Variants in USP53 observed in about 807,000 individuals in gnomAD.
USP53 encodes the protein ubiquitin carboxyl-terminal hydrolase 53.
A neutral mutation model predicts 94.9 loss-of-function variants in USP53; 71 were observed. That is an observed-to-expected ratio of 0.75 (90% CI 0.62 to 0.91). The LOEUF (loss-of-function observed/expected upper bound fraction) is 0.91, where lower values mean the gene tolerates loss of function less well. USP53 is among the 40% of genes least tolerant of loss of function. The pLI, the probability that USP53 is intolerant of heterozygous loss-of-function variation, is 0.00. For synonymous variants in USP53, 375 were observed against 422.7 expected (o/e 0.89, Z 1.39); for missense variants, 1,173 against 1,281.0 (o/e 0.92, Z 1.29).
intron 3 of USP53, among the ~76,000 whole-genome samples, chr4:119,231,563 G>A (rs2149301189): frequency 6.6e-6 from 1 of 152,252 alleles, no homozygotes; most frequent in Non-Finnish European, 1.5e-5. Context: ...TAATGCCTCT[G>A]GGTTGGAGGT....
In USP53 at chr4:119,271,659, G is replaced by A. The variant is rs749652215; in HGVS notation, c.1799G>A (p.Ser600Asn). 6.2e-7 allele frequency: 1 copy of A among 1,613,682 alleles called. No homozygotes were observed. Among genetic ancestry groups the A allele is most frequent in the South Asian group, 1.1e-5 (1 of 90,980 alleles). Residue 600 changes from serine (S) to asparagine (N), a missense_variant, in exon 16 of 19, where the codon AGT (serine) becomes AAT (asparagine). By Grantham distance (46) the Ser-to-Asn change is conservative. Transcript: ENST00000692078. Reference sequence around the variant, plus strand: ...AATGTTGATAGTATTTTTAGTGAAAGTGAAAAAAGACAGCATAGTCCAAGA... The same window carrying A: ...AATGTTGATAGTATTTTTAGTGAAAATGAAAAAAGACAGCATAGTCCAAGA... ...TLNVDSIFSE[S>N]EKRQHSPRHK...
chr4:119,236,660 C>A lies in USP53; in HGVS notation c.-543+1249C>A, dbSNP rs563020538. 1.2e-3 allele frequency among the ~76,000 whole-genome samples: 176 copies of A among 152,334 alleles called. 1 individual carries two copies. Among genetic ancestry groups the A allele is most frequent in the Middle Eastern group, 0.01 (3 of 294 alleles). On this transcript the variant is annotated intron_variant, in intron 4 of 18. Transcript: ENST00000692078. ...ACTTTCTTTGCTCAGCCGTAAGAAG[C>A]AATTCCCCTGTTCAAGTTTTATCAT...
chr4:119,220,030 ATAAAGT>A (rs1744295499), intron 3 of USP53: 1 of 152,214 alleles, frequency 6.6e-6, no homozygotes. Flanking sequence ...TAAGCACTTA[ATAAAGT>A]TAAACATTTT....
At chr4:119,274,400 A>T (rs1310606070) in intron 17 of USP53, among the ~76,000 whole-genome samples, 2 of 151,958 alleles carry the variant, frequency 1.3e-5, no homozygotes, top group East Asian at 3.9e-4. Context: ...TTCCAATTTC[A>T]TCCATGTCCC....
chr4:119,221,864 G>A (rs1744577922), intron 3 of USP53, among the ~76,000 whole-genome samples: 2 of 152,204 alleles, frequency 1.3e-5, no homozygotes, highest in South Asian at 4.1e-4. Flanking sequence ...GAGCAAAGGA[G>A]AGAGGGGGAT....
chr4:119,284,890 G>A lies in USP53; in HGVS notation c.2252-6275G>A, dbSNP rs542204152. Among the ~76,000 whole-genome samples the A allele has an allele frequency of 2.0e-5, 3 of 151,982 alleles. No homozygotes were observed. The East Asian group carries it at 5.8e-4, about 29-fold the overall frequency. ...ACCATGAAAATCTCTAAGACTTTAT[G>A]TTTTTACAGCAGGAAGCAAGAGAAG... is the stretch of plus-strand genomic sequence containing the variant. On this transcript the variant is annotated intron_variant, in intron 17 of 18. Transcript: ENST00000692078.
At chr4:119,218,533 T>G (rs1323289301) in intron 3 of USP53, 1 of 152,196 alleles carries the variant, frequency 6.6e-6, no homozygotes, top group Admixed American at 6.5e-5. Flanking sequence ...AACTTACTGT[T>G]TTTTTGTTGG....
chr4:119,213,660 A>ATGTGTGTGTGTGTGTGTGTGTGTGTGTG (rs1553962017), intron 1 of USP53, among the ~76,000 whole-genome samples: 51 of 117,678 alleles, frequency 4.3e-4, no homozygotes, highest in African/African-American at 1.2e-3. Flanking sequence ...ATATATATAT[A>ATGTGTGTGTGTGTGTGTGTGTGTGTGTG]TGTGTGTGTG....
intron 15 of USP53, among the ~76,000 whole-genome samples, chr4:119,270,927 G>A (rs1189385788): frequency 7.0e-6 from 1 of 143,092 alleles, no homozygotes; most frequent in Admixed American, 7.4e-5. Context: ...ATGATTGGAT[G>A]TCTGTTTGTT....
intron 17 of USP53, among the ~76,000 whole-genome samples, chr4:119,275,960 C>G (rs1261304018): frequency 2.0e-5 from 3 of 147,380 alleles, no homozygotes; most frequent in African/African-American, 7.4e-5. Context: ...TATCCTGAGA[C>G]TTTGCTGAAG....
At chr4:119,278,317 A>G (rs1311955046) in intron 17 of USP53, among the ~76,000 whole-genome samples, 2 of 151,900 alleles carry the variant, frequency 1.3e-5, no homozygotes, top group Non-Finnish European at 2.9e-5. Flanking sequence ...ATCGGTCAGC[A>G]TTTGCTTGTC....
At position 119,295,050 on chromosome 4, in the gene USP53, T is replaced by TC. The variant is rs996978095; in HGVS notation, c.*1840dup. The TC allele has an allele frequency of 6.6e-6, 1 of 152,100 alleles. No homozygotes were observed. Among genetic ancestry groups the TC allele is most frequent in the African/African-American group, 2.4e-5 (1 of 41,456 alleles). The allele number at this position is 152,100 out of a possible 1,614,324, so 9.4% of individuals were successfully genotyped here. ...TTCACAGTTTGTGTAGTTTTTTTTT[T>TC]CTATTTGGTTAAGATGTGAGTTGGA... On this transcript the variant is annotated 3_prime_UTR_variant, in exon 19 of 19. Transcript: ENST00000692078.
chr4:119,261,423 G>T (rs1199414818), intron 11 of USP53, among the ~76,000 whole-genome samples: 3 of 152,126 alleles, frequency 2.0e-5, no homozygotes, highest in African/African-American at 7.2e-5. Context: ...CTCATATTTT[G>T]AATTTCTTTA....
At chr4:119,254,616 T>C (rs1749506057) in intron 7 of USP53, among the ~76,000 whole-genome samples, 1 of 151,970 alleles carries the variant, frequency 6.6e-6, no homozygotes, top group African/African-American at 2.4e-5. Flanking sequence ...TAGTTAGCCA[T>C]TTGTCTAACC....
intron 9 of USP53, among the ~76,000 whole-genome samples, chr4:119,258,227 C>G (rs1750021585): frequency 6.6e-6 from 1 of 152,054 alleles, no homozygotes; most frequent in Admixed American, 6.6e-5. Context: ...TCTGGCTAAC[C>G]ACTACTCTAA....
At position 119,226,462 on chromosome 4, in the gene USP53, A is replaced by G. The variant is rs570340330; in HGVS notation, c.-665+8789A>G. On this transcript the variant is annotated intron_variant, in intron 3 of 18. Transcript: ENST00000692078. The stretch of plus-strand genomic sequence containing the variant: ...TACAAAAAATCAATTATATTTCTGC[A>G]TGTTAGTAATGAAAAATTGGAAACC... 2.0e-5 allele frequency among the ~76,000 whole-genome samples: 3 copies of G among 152,220 alleles called. No individual in the cohort carries two copies. In the East Asian group the frequency reaches 5.8e-4, roughly 29 times the overall value.
At chr4:119,237,301 G>A (rs1266944811) in intron 4 of USP53, among the ~76,000 whole-genome samples, 1 of 152,150 alleles carries the variant, frequency 6.6e-6, no homozygotes, top group Non-Finnish European at 1.5e-5. Context: ...TTTTCAGAAT[G>A]GTAAGTGAGC....
At chr4:119,260,430 A>G (rs1400800053) in intron 10 of USP53, 77 bp from the exon 11 acceptor site, 2 of 1,305,078 alleles carry the variant, frequency 1.5e-6, no homozygotes, top group Admixed American at 2.5e-5. Flanking sequence ...TAAAATTGTC[A>G]TTATATAATG....
chr4:119,279,388 G>A (rs1303022301), intron 17 of USP53, among the ~76,000 whole-genome samples: 1 of 145,204 alleles, frequency 6.9e-6, no homozygotes, highest in Non-Finnish European at 1.5e-5. Context: ...CCCCTGCTGG[G>A]GGGTGCCTCC....
Sources: allele counts gnomAD v4.1 joint callset (sites outside exome capture counted in the v4.1 genomes callset), GRCh38; gene constraint gnomAD v4.1.1; transcripts MANE v1.5; gene names NCBI Gene and HGNC (gene_info 2026-07-23, HGNC 2026-07-21).